The following CWC27 variants were observed in gnomAD, a reference collection of about 807,000 sequenced individuals.
CWC27 encodes CWC27 spliceosome associated cyclophilin.
CWC27 carries 47 observed loss-of-function variants against 63.6 expected under a neutral mutation model. That is an observed-to-expected ratio of 0.74 (90% CI 0.58 to 0.94). The LOEUF (loss-of-function observed/expected upper bound fraction) is 0.94. Among genes scored for constraint, CWC27 ranks in the 40% least tolerant of loss-of-function variants. CWC27 has a pLI of 0.00. For missense variants in CWC27, 495 were observed against 554.3 expected, an observed-to-expected ratio of 0.89 and a Z score of 1.07; for synonymous variants, 175 against 179.8, an observed-to-expected ratio of 0.97 and a Z score of 0.22.
At chr5:64,910,164 T>C (rs1358509481) in intron 11 of CWC27, among the ~76,000 whole-genome samples, 1 of 152,234 alleles carries the variant, frequency 6.6e-6, no homozygotes, top group Admixed American at 6.5e-5. Context: ...TGTTTGTTAG[T>C]TTTCCTTCTA....
intron 11 of CWC27, among the ~76,000 whole-genome samples, chr5:64,927,976 AAAACCCCAT>A (rs1748153163): frequency 1.3e-5 from 2 of 152,100 alleles, no homozygotes; most frequent in Admixed American, 6.6e-5. Context: ...ACAACATGGT[AAAACCCCAT>A]TTTTACTAAA....
At chr5:64,868,652 G>A (rs897529225) in intron 10 of CWC27, among the ~76,000 whole-genome samples, 3 of 151,960 alleles carry the variant, frequency 2.0e-5, no homozygotes, top group African/African-American at 7.2e-5. Context: ...TAACGTTTTG[G>A]AATTACTGCT....
At chr5:64,782,560 G>A (rs979428506) in intron 3 of CWC27, among the ~76,000 whole-genome samples, 3 of 134,236 alleles carry the variant, frequency 2.2e-5, no homozygotes, top group African/African-American at 7.5e-5. Context: ...AAGAAAAGGA[G>A]TTAATGTCAT....
At chr5:64,797,945 G>A (rs1190299872) in intron 7 of CWC27, among the ~76,000 whole-genome samples, 1 of 152,088 alleles carries the variant, frequency 6.6e-6, no homozygotes, top group African/African-American at 2.4e-5. Context: ...TGGACCAAAA[G>A]GCTAGAACAG....
At chr5:64,924,973 AC>A (rs1748077744) in intron 11 of CWC27, among the ~76,000 whole-genome samples, 2 of 152,058 alleles carry the variant, frequency 1.3e-5, no homozygotes, top group Non-Finnish European at 2.9e-5. Context: ...ACACACACAC[AC>A]ACACACACAC....
intron 13 of CWC27, among the ~76,000 whole-genome samples, chr5:64,998,173 T>C (rs1749671225): frequency 6.6e-6 from 1 of 152,132 alleles, no homozygotes. Context: ...TTCTGTCATG[T>C]TGGGGAAGTT....
intron 10 of CWC27, among the ~76,000 whole-genome samples, chr5:64,847,388 A>C (rs1021458518): frequency 6.6e-6 from 1 of 152,236 alleles, no homozygotes; most frequent in Non-Finnish European, 1.5e-5. Context: ...AATATATAAA[A>C]CAAAGATAAA....
intron 10 of CWC27, chr5:64,808,356 G>A (rs896447595): frequency 2.0e-6 from 2 of 986,824 alleles, no homozygotes; most frequent in Non-Finnish European, 2.4e-6. Flanking sequence ...TGACTCCTTA[G>A]TGCAAACCTA....
At chr5:64,889,510 G>T (rs1747169424) in intron 11 of CWC27, among the ~76,000 whole-genome samples, 1 of 152,078 alleles carries the variant, frequency 6.6e-6, no homozygotes, top group South Asian at 2.1e-4. Flanking sequence ...ACAGTCATTT[G>T]GATTTAGAGA....
rs78594461 is a variant in CWC27 at position 64,822,108 on chromosome 5, A to G, written c.938+17722A>G. ...CAAAGATTTAAAGTTGGAAAGTTAC[A>G]TGATTAGGGTTTGTTTTTGGGAGAT... On this transcript the variant is annotated intron_variant, in intron 10 of 13. Transcript: ENST00000381070. Among the ~76,000 whole-genome samples, 183 of 152,346 alleles carry G rather than the reference A, an allele frequency of 1.2e-3. 3 individuals are homozygous for G. The highest frequency in any genetic ancestry group is 4.3e-3 in the African/African-American group (178 of 41,578).
In CWC27 at chr5:64,786,554, C is replaced by G; in HGVS notation, c.526C>G (p.Pro176Ala). 1 of 1,581,798 alleles carries G rather than the reference C, an allele frequency of 6.3e-7. No individual in the cohort carries two copies. Among genetic ancestry groups the G allele is most frequent in the Admixed American group, 1.8e-5 (1 of 54,342 alleles). ...GTTTAATCCTTTTGATGACATCATT[C>G]CAAGGGAAATTAAAAGGCTGAAAAA... ...VLFNPFDDIIPREIKRLKKEK... is the reference protein window; with the variant it reads ...VLFNPFDDIIAREIKRLKKEK... Residue 176 changes from proline (P) to alanine (A), a missense_variant, in exon 6 of 14, where the codon CCA becomes GCA. Transcript: ENST00000381070.
intron 6 of CWC27, among the ~76,000 whole-genome samples, chr5:64,788,445 T>C (rs1241485815): frequency 1.3e-5 from 2 of 152,054 alleles, no homozygotes; most frequent in Admixed American, 6.6e-5. Context: ...ACCTAGTTTT[T>C]TCTCCTTGTG....
intron 3 of CWC27, among the ~76,000 whole-genome samples, chr5:64,782,396 G>A (rs1366347003): frequency 3.3e-5 from 5 of 151,448 alleles, no homozygotes; most frequent in African/African-American, 7.3e-5. Context: ...TGCAGTGAGC[G>A]GAGATCGCAC....
intron 11 of CWC27, among the ~76,000 whole-genome samples, chr5:64,896,536 G>T (rs1262536472): frequency 1.3e-5 from 2 of 152,052 alleles, no homozygotes; most frequent in East Asian, 3.8e-4. Context: ...CCCTTTTATT[G>T]TTTGGGAAGA....
intron 3 of CWC27, 48 bp from the exon 4 acceptor site, chr5:64,783,788 G>A: frequency 7.0e-7 from 1 of 1,437,832 alleles, no homozygotes; most frequent in East Asian, 2.6e-5. Flanking sequence ...AACTGCATAT[G>A]AAGGGTCTTA....
chr5:64,866,698 T>G (rs1746539078), intron 10 of CWC27, among the ~76,000 whole-genome samples: 1 of 152,064 alleles, frequency 6.6e-6, no homozygotes, highest in South Asian at 2.1e-4. Context: ...TTCCACGTAT[T>G]TGTGAATTTC....
At chr5:64,863,467 C>G (rs1379318467) in intron 10 of CWC27, among the ~76,000 whole-genome samples, 1 of 151,830 alleles carries the variant, frequency 6.6e-6, no homozygotes. Flanking sequence ...TTTCCCTGTG[C>G]TCTTCCCATC....
intron 13 of CWC27, among the ~76,000 whole-genome samples, chr5:65,003,561 C>T (rs1253531415): frequency 6.6e-6 from 1 of 152,128 alleles, no homozygotes; most frequent in African/African-American, 2.4e-5. Flanking sequence ...TATACGAGTC[C>T]CTTAAGCATT....
At chr5:64,780,446 CG>C (rs1213444019) in intron 2 of CWC27, among the ~76,000 whole-genome samples, 1 of 149,316 alleles carries the variant, frequency 6.7e-6, no homozygotes, top group Non-Finnish European at 1.5e-5. Flanking sequence ...TATAAACAAT[CG>C]ATTCTTTTGG....
Sources: gnomAD v4.1 joint callset for allele counts (sites outside exome capture counted in the v4.1 genomes callset) on GRCh38, gnomAD v4.1.1 for gene constraint, MANE v1.5 for transcripts, NCBI Gene and HGNC (gene_info 2026-07-23, HGNC 2026-07-21) for gene names.